Variants in MALRD1 observed in about 807,000 individuals in gnomAD.
The protein encoded by MALRD1 is MAM and LDL receptor class A domain containing 1.
In MALRD1, 247 loss-of-function variants were observed where a neutral mutation model predicts 242.1. The ratio of observed to expected loss-of-function variants is 1.02; its 90% CI spans 0.92 to 1.13. The LOEUF is 1.13. MALRD1 is among the 50% of genes most tolerant of loss of function. MALRD1 has a pLI of 0.00. For missense variants in MALRD1, 2,989 were observed against 2,533.1 expected, an observed-to-expected ratio of 1.18 and a Z score of -3.86; for synonymous variants, 995 against 866.6, an observed-to-expected ratio of 1.15 and a Z score of -2.60.
At chr10:19,367,883 ATTG>A (rs1845175058) in intron 26 of MALRD1, among the ~76,000 whole-genome samples, 1 of 151,838 alleles carries the variant, frequency 6.6e-6, no homozygotes, top group Non-Finnish European at 1.5e-5. Context: ...TTTTCATACA[ATTG>A]TTGGCCATTT....
At chr10:19,252,843 ATCTGAGTTTTATT>A (rs1363955103) in intron 18 of MALRD1, among the ~76,000 whole-genome samples, 2 of 152,002 alleles carry the variant, frequency 1.3e-5, no homozygotes, top group African/African-American at 4.8e-5. Context: ...GTCAGGCCAA[ATCTGAGTTTTATT>A]TCATAGAGAT....
At chr10:19,212,533 G>A (rs975969057) in intron 18 of MALRD1, among the ~76,000 whole-genome samples, 1 of 152,134 alleles carries the variant, frequency 6.6e-6, no homozygotes, top group Non-Finnish European at 1.5e-5. Context: ...GGGCTATTAT[G>A]AATACATGTG....
intron 2 of MALRD1, among the ~76,000 whole-genome samples, chr10:19,082,316 C>A (rs1835516697): frequency 6.6e-6 from 1 of 151,666 alleles, no homozygotes; most frequent in Non-Finnish European, 1.5e-5. Context: ...TTCACTTCTT[C>A]TTTATGCTGT....
chr10:19,079,091 C>T (rs552539348), intron 2 of MALRD1, among the ~76,000 whole-genome samples: 1 of 151,166 alleles, frequency 6.6e-6, no homozygotes, highest in African/African-American at 2.4e-5. Flanking sequence ...ATGTTGAGAT[C>T]TTTCCTTGTT....
At chr10:19,254,051 A>T (rs182308739) in intron 18 of MALRD1, among the ~76,000 whole-genome samples, 1 of 152,098 alleles carries the variant, frequency 6.6e-6, no homozygotes, top group East Asian at 1.9e-4. Flanking sequence ...CCACAATTGT[A>T]AGTTTCTTGA....
At chr10:19,631,000 C>A (rs994517859) in intron 36 of MALRD1, among the ~76,000 whole-genome samples, 2 of 152,118 alleles carry the variant, frequency 1.3e-5, no homozygotes, top group Non-Finnish European at 2.9e-5. Flanking sequence ...CTTTGAAAAA[C>A]TTTTATTTTA....
At chr10:19,531,067 C>G (rs1338612) in intron 31 of MALRD1, 127 bp from the exon 32 acceptor site, 641,460 of 755,942 alleles carry the variant, frequency 0.85, 272,744 homozygotes, top group East Asian at 0.92. Flanking sequence ...CTCCCAAAAT[C>G]AAAATGAGTT....
intron 1 of MALRD1, among the ~76,000 whole-genome samples, chr10:19,049,939 C>T (rs1261732429): frequency 6.6e-6 from 1 of 152,150 alleles, no homozygotes; most frequent in African/African-American, 2.4e-5. Context: ...TAGTGTCATT[C>T]TTACACACAT....
chr10:19,677,251 A>C (rs757643611), intron 36 of MALRD1, among the ~76,000 whole-genome samples: 1 of 152,186 alleles, frequency 6.6e-6, no homozygotes, highest in Non-Finnish European at 1.5e-5. Context: ...ACTGTCTTCC[A>C]TAATGGTTGA....
intron 1 of MALRD1, among the ~76,000 whole-genome samples, chr10:19,053,221 A>G (rs1834561613): frequency 6.6e-6 from 1 of 152,114 alleles, no homozygotes; most frequent in South Asian, 2.1e-4. Context: ...CCACATGAAG[A>G]CACTTGTAAG....
chr10:19,067,535 C>T (rs531178315), intron 2 of MALRD1, among the ~76,000 whole-genome samples: 23 of 152,142 alleles, frequency 1.5e-4, no homozygotes, highest in African/African-American at 5.5e-4. Flanking sequence ...CAAACAAATT[C>T]AATTAAATGT....
chr10:19,700,021 GAC>G (rs58040272), intron 38 of MALRD1, among the ~76,000 whole-genome samples: 53,823 of 140,944 alleles, frequency 0.38, 9,786 homozygotes, highest in Non-Finnish European at 0.42. Context: ...AATTGATTTA[GAC>G]ACACACACAC....
intron 18 of MALRD1, among the ~76,000 whole-genome samples, chr10:19,219,572 G>T (rs77665543): frequency 1.3e-5 from 2 of 151,992 alleles, no homozygotes; most frequent in South Asian, 4.2e-4. Flanking sequence ...AAGTAGCTGC[G>T]CCTATAGGCG....
At chr10:19,498,786 C>G in intron 31 of MALRD1, 140 bp downstream of exon 31, 2 of 1,011,678 alleles carry the variant, frequency 2.0e-6, no homozygotes, top group South Asian at 3.9e-5. Flanking sequence ...GAGGGCTAGT[C>G]TCTTCTATTG....
At chr10:19,540,248 A>T (rs1053158169) in intron 32 of MALRD1, among the ~76,000 whole-genome samples, 8 of 152,146 alleles carry the variant, frequency 5.3e-5, no homozygotes, top group Non-Finnish European at 1.0e-4. Flanking sequence ...ATGATAGCAG[A>T]CATATAATCG....
intron 18 of MALRD1, among the ~76,000 whole-genome samples, chr10:19,255,310 T>C (rs1320640526): frequency 1.3e-5 from 2 of 151,978 alleles, no homozygotes; most frequent in African/African-American, 4.8e-5. Context: ...AATACTGTCT[T>C]ATATACAATG....
At chr10:19,102,361 A>T (rs1366768700) in intron 4 of MALRD1, among the ~76,000 whole-genome samples, 3 of 151,938 alleles carry the variant, frequency 2.0e-5, no homozygotes, top group African/African-American at 4.8e-5. Flanking sequence ...TTTTTGTATA[A>T]AGAAAATACG....
intron 1 of MALRD1, among the ~76,000 whole-genome samples, chr10:19,057,497 T>A (rs181371613): frequency 6.6e-6 from 1 of 152,120 alleles, no homozygotes; most frequent in Admixed American, 6.6e-5. Context: ...TACTATCACA[T>A]TGGGAATTAG....
At chr10:19,659,400 CT>C (rs1382280669) in intron 36 of MALRD1, among the ~76,000 whole-genome samples, 1 of 152,068 alleles carries the variant, frequency 6.6e-6, no homozygotes, top group Middle Eastern at 3.2e-3. Flanking sequence ...AAATCATTGT[CT>C]TTATCTTCTT....
Sources: allele counts gnomAD v4.1 joint callset (sites outside exome capture counted in the v4.1 genomes callset), GRCh38; gene constraint gnomAD v4.1.1; transcripts MANE v1.5; gene names NCBI Gene and HGNC (gene_info 2026-07-23, HGNC 2026-07-21).